Variants in CPSF4L observed in about 807,000 individuals in gnomAD.
CPSF4L encodes the protein putative cleavage and polyadenylation specificity factor subunit 4-like protein.
CPSF4L carries 18 observed loss-of-function variants against 24.0 expected under a neutral mutation model. The ratio of observed to expected loss-of-function variants is 0.75; its 90% confidence interval spans 0.52 to 1.11. The LOEUF is 1.11. Ranked by LOEUF, CPSF4L falls within the 50% of genes least tolerant of loss-of-function variation. CPSF4L has a pLI of 0.00. For synonymous variants in CPSF4L, 72 were observed against 77.2 expected, an observed-to-expected ratio of 0.93 and a Z score of 0.35; for missense variants, 211 against 221.8, an observed-to-expected ratio of 0.95 and a Z score of 0.31.
At chr17:73,245,198 C>G (rs376657737), downstream of CPSF4L, 8 of 1,613,402 alleles carry the variant, frequency 5.0e-6, no homozygotes, top group African/African-American at 8.0e-5. Flanking sequence ...TAGTGTTGAC[C>G]TGGACATCAC....
chr17:73,248,250 G>A (rs369070695), downstream of CPSF4L: 10 of 492,578 alleles, frequency 2.0e-5, no homozygotes, highest in East Asian at 1.0e-4. Flanking sequence ...AGACTCCTCA[G>A]AACGAATAGT....
intron 3 of CPSF4L, among the ~76,000 whole-genome samples, chr17:73,256,670 A>C (rs936187451): frequency 6.6e-6 from 1 of 152,200 alleles, no homozygotes; most frequent in African/African-American, 2.4e-5. Flanking sequence ...CACATTTACA[A>C]ATTCCTTTCT....
intron 2 of CPSF4L, among the ~76,000 whole-genome samples, chr17:73,259,392 G>A (rs1316749004): frequency 6.6e-6 from 1 of 150,422 alleles, no homozygotes; most frequent in Admixed American, 6.6e-5. Context: ...ATGGGGTCTC[G>A]CTATGTTGCC....
chr17:73,243,077 A>ATTTTTTTTTTTT, the CPSF4L span: 2 of 438,584 alleles, frequency 4.6e-6, no homozygotes, highest in African/African-American at 2.7e-5. Flanking sequence ...GATTCTCTGA[A>ATTTTTTTTTTTT]TTTTTTTTTT....
chr17:73,258,132 C>A (rs1455209528), intron 2 of CPSF4L, among the ~76,000 whole-genome samples: 1 of 151,980 alleles, frequency 6.6e-6, no homozygotes, highest in Non-Finnish European at 1.5e-5. Context: ...GCCTCCATTT[C>A]CTGAGTAGCT....
rs551679081 is a variant in CPSF4L, at chr17:73,261,624, A to G, written c.103+92T>C. The G allele has an allele frequency of 3.5e-4, 306 of 875,016 alleles. 2 individuals carry two copies. Among genetic ancestry groups the G allele is most frequent in the African/African-American group, 1.5e-3 (89 of 59,756 alleles). The allele number at this position is 875,016 out of a possible 1,614,324, so 54.2% of individuals were successfully genotyped here. ...TGCAATGAGCCGAGATTGTGCCACT[A>G]CACTCCAGCCTGGGCTACAGAGCGA... On this transcript the variant is annotated intron_variant, in intron 1 of 5. Coordinates refer to ENST00000344935, the MANE Select transcript of CPSF4L (RefSeq NM_001129885.1).
At chr17:73,250,257 CA>C (rs2061999499) in intron 5 of CPSF4L, 1 of 1,550,518 alleles carries the variant, frequency 6.4e-7, no homozygotes, top group African/African-American at 1.4e-5. Context: ...TAACTCCTAT[CA>C]GTTGAGTCTT....
At chr17:73,245,303 G>A (rs2061934549), downstream of CPSF4L, 3 of 1,434,954 alleles carry the variant, frequency 2.1e-6, no homozygotes, top group Admixed American at 2.9e-5. Context: ...CAGGGAGAGG[G>A]GAGTGAAAAA....
intron 5 of CPSF4L, chr17:73,251,010 A>AG: frequency 6.5e-7 from 1 of 1,549,004 alleles, no homozygotes. Flanking sequence ...CCTGATCCCC[A>AG]GGCAGGAGAG....
At chr17:73,252,762 C>A in intron 4 of CPSF4L, 39 bp from the exon 5 acceptor site, 2 of 1,423,700 alleles carry the variant, frequency 1.4e-6, no homozygotes, top group Non-Finnish European at 1.9e-6. Context: ...GGATCCGCTT[C>A]AGCAAGAGGG....
chr17:73,242,667 C>T, the CPSF4L span, among the ~76,000 whole-genome samples: 1 of 152,162 alleles, frequency 6.6e-6, no homozygotes, highest in Non-Finnish European at 1.5e-5. Context: ...GTTGTATTAG[C>T]CTCCTCCCAC....
intron 3 of CPSF4L, among the ~76,000 whole-genome samples, chr17:73,254,447 T>C (rs1294929060): frequency 6.6e-6 from 1 of 152,138 alleles, no homozygotes. Flanking sequence ...GGGAAGCTGT[T>C]CCCCTTGGTG....
At chr17:73,249,559 T>C (rs1257558925) in intron 5 of CPSF4L, among the ~76,000 whole-genome samples, 1 of 152,146 alleles carries the variant, frequency 6.6e-6, no homozygotes, top group Non-Finnish European at 1.5e-5. Context: ...CAGGCACCTG[T>C]CTTTTTACCA....
chr17:73,256,635 G>A (rs995434970), intron 3 of CPSF4L, among the ~76,000 whole-genome samples: 1 of 152,334 alleles, frequency 6.6e-6, no homozygotes, highest in East Asian at 1.9e-4. Flanking sequence ...CTGTAGAATC[G>A]TATTGTGAAG....
At chr17:73,257,857 T>A (rs1224601488) in intron 2 of CPSF4L, 24 bp from the exon 3 acceptor site, 1 of 1,550,294 alleles carries the variant, frequency 6.5e-7, no homozygotes, top group Non-Finnish European at 8.7e-7. Flanking sequence ...AGCACCTGGC[T>A]GGGAGGCCCC....
downstream of CPSF4L, chr17:73,245,106 G>T (rs1299006057): frequency 1.3e-6 from 2 of 1,507,276 alleles, no homozygotes; most frequent in Non-Finnish European, 1.8e-6. Flanking sequence ...AGAGGCAAAA[G>T]ATAGTAACAG....
At chr17:73,261,527 G>A (rs1412261283) in intron 1 of CPSF4L, among the ~76,000 whole-genome samples, 189 bp downstream of exon 1, 1 of 152,214 alleles carries the variant, frequency 6.6e-6, no homozygotes, top group Non-Finnish European at 1.5e-5. Flanking sequence ...TGGGCGTGGT[G>A]GCGGGCGCCT....
At chr17:73,257,922 C>T in intron 2 of CPSF4L, 89 bp from the exon 3 acceptor site, 1 of 1,381,872 alleles carries the variant, frequency 7.2e-7, no homozygotes, top group Non-Finnish European at 9.8e-7. Flanking sequence ...AGGAGGGTAC[C>T]TGACTCAGTC....
At chr17:73,242,395 G>A in the CPSF4L span, 2 of 1,350,280 alleles carry the variant, frequency 1.5e-6, no homozygotes, top group Non-Finnish European at 2.0e-6. Context: ...CAGGTTCTGG[G>A]CATTTGGAAA....
Sources: allele counts gnomAD v4.1 joint callset (sites outside exome capture counted in the v4.1 genomes callset), GRCh38; gene constraint gnomAD v4.1.1; transcripts MANE v1.5; gene names NCBI Gene and HGNC (gene_info 2026-07-23, HGNC 2026-07-21).